CELA3B: variants seen among roughly 807,000 people sequenced by gnomAD.
CELA3B encodes chymotrypsin like elastase 3B, also known as chymotrypsin-like elastase family member 3B.
In CELA3B, 34 loss-of-function variants were observed where a neutral mutation model predicts 37.2. The observed-to-expected ratio is 0.91, with a 90% CI of 0.70 to 1.22. The LOEUF (loss-of-function observed/expected upper bound fraction) is 1.22, where lower values mean the gene tolerates loss of function less well. CELA3B is among the 50% of genes most tolerant of loss of function. The pLI, the probability that CELA3B is intolerant of heterozygous loss-of-function variation, is 0.00. For missense variants in CELA3B, 340 were observed against 363.1 expected, an observed-to-expected ratio of 0.94 and a Z score of 0.52; for synonymous variants, 127 against 143.5, an observed-to-expected ratio of 0.89 and a Z score of 0.82.
At chr1:21,993,461 CAAA>C (rs58752734), downstream of CELA3B, among the ~76,000 whole-genome samples, 3 of 81,648 alleles carry the variant, frequency 3.7e-5, no homozygotes, top group Admixed American at 1.0e-4. Flanking sequence ...ACCTCCTCTC[CAAA>C]AAAAAAAAAA....
intron 6 of CELA3B, among the ~76,000 whole-genome samples, chr1:21,986,300 C>T (rs146511980): frequency 0.022 from 3,376 of 151,702 alleles, 60 homozygotes; most frequent in Non-Finnish European, 0.033. Flanking sequence ...ACCTGGGAGC[C>T]GGGAGACGGA....
intron 5 of CELA3B, 57 bp from the exon 6 acceptor site, chr1:21,984,132 T>C: frequency 1.3e-6 from 2 of 1,568,868 alleles, no homozygotes; most frequent in African/African-American, 2.7e-5. Flanking sequence ...CCCCTTCCTC[T>C]GGGGCTCCTA....
rs1644799010 is a variant in CELA3B at position 21,980,750 on chromosome 1, A to G, written c.130-74A>G. 7.6e-6 allele frequency: 8 copies of G among 1,057,328 alleles called. No homozygotes were observed. In the South Asian group the frequency reaches 9.6e-5, roughly 13 times the overall value. The allele number at this position is 1,057,328 out of a possible 1,614,324, so 65.5% of individuals were successfully genotyped here. A position where few individuals can be genotyped will look rare whatever the true frequency, so the allele number is the denominator to read the frequency against. On this transcript the variant is annotated intron_variant, in intron 2 of 7. Transcript: ENST00000337107. ...GCCCTCTAGAGTTGCACAGTGCACA[A>G]CCTATACAGCCATTGGTGGCAACTC...
At chr1:21,983,137 G>A (rs1644814895) in intron 4 of CELA3B, among the ~76,000 whole-genome samples, 1 of 152,090 alleles carries the variant, frequency 6.6e-6, no homozygotes, top group African/African-American at 2.4e-5. Context: ...ATCAGCTAAG[G>A]TCAGGAGTTC....
At chr1:21,982,439 TAAA>T (rs111976816) in intron 4 of CELA3B, among the ~76,000 whole-genome samples, 1 of 151,466 alleles carries the variant, frequency 6.6e-6, no homozygotes, top group African/African-American at 2.4e-5. Flanking sequence ...TACTAAAAAT[TAAA>T]AAAAATTAGC....
chr1:21,991,987 G>A (rs1446476955), downstream of CELA3B, among the ~76,000 whole-genome samples: 1 of 151,034 alleles, frequency 6.6e-6, no homozygotes, highest in African/African-American at 2.5e-5. Context: ...AGGTGTGGTG[G>A]TGGGTGCCTG....
At chr1:21,992,714 G>A (rs535884770), downstream of CELA3B, among the ~76,000 whole-genome samples, 2 of 151,354 alleles carry the variant, frequency 1.3e-5, no homozygotes, top group East Asian at 1.9e-4. Flanking sequence ...GGTGGCTCAT[G>A]CCTATAATCC....
chr1:21,988,297 A>T (rs867957331), intron 7 of CELA3B, among the ~76,000 whole-genome samples: 1,543 of 150,812 alleles, frequency 0.01, no homozygotes, highest in African/African-American at 0.036. Context: ...ATGTTAAAAA[A>T]ATATATATAT....
At chr1:21,989,947 T>A (rs527274338), downstream of CELA3B, among the ~76,000 whole-genome samples, 10 of 150,748 alleles carry the variant, frequency 6.6e-5, 1 homozygote, top group African/African-American at 2.0e-4. Context: ...GAAAGAAGTG[T>A]AATTGACTCA....
chr1:21,988,450 G>C (rs1644851840), intron 7 of CELA3B, among the ~76,000 whole-genome samples: 3 of 151,656 alleles, frequency 2.0e-5, no homozygotes. Context: ...AATTGGCTGG[G>C]CGTGGTGCTG....
chr1:21,982,054 A>C (rs10917095), intron 4 of CELA3B, among the ~76,000 whole-genome samples: 143,959 of 152,180 alleles, frequency 0.95, 68,439 homozygotes, highest in Non-Finnish European at 0.99. Context: ...CTGAGTGGCT[A>C]AGACTTTTTT....
downstream of CELA3B, among the ~76,000 whole-genome samples, chr1:21,991,546 G>C (rs1644868920): frequency 2.0e-5 from 3 of 151,056 alleles, no homozygotes; most frequent in South Asian, 2.1e-4. Flanking sequence ...ATGTTGCCCA[G>C]GCTGGTCTCG....
downstream of CELA3B, among the ~76,000 whole-genome samples, chr1:21,989,919 A>G (rs560794794): frequency 2.7e-5 from 4 of 150,622 alleles, no homozygotes; most frequent in South Asian, 8.4e-4. Flanking sequence ...ACTGCCCGAG[A>G]CTGGGTAGTT....
At chr1:21,997,386 C>G (rs1297211157) in intron 4 of CELA3B, among the ~76,000 whole-genome samples, 1 of 104,330 alleles carries the variant, frequency 9.6e-6, no homozygotes. Flanking sequence ...GAGCAAGACT[C>G]GTCTCAAAAA....
intron 2 of CELA3B, among the ~76,000 whole-genome samples, chr1:21,979,175 C>T (rs56395006): frequency 1.3e-5 from 2 of 151,596 alleles, no homozygotes; most frequent in African/African-American, 2.4e-5. Flanking sequence ...CGGGTTCAAG[C>T]GATTCTCCTA....
chr1:21,988,075 A>T (rs1644849812), intron 7 of CELA3B, among the ~76,000 whole-genome samples: 1 of 149,704 alleles, frequency 6.7e-6, no homozygotes, highest in Non-Finnish European at 1.5e-5. Flanking sequence ...AGCCGGGCGT[A>T]TTGGTGCATG....
intron 7 of CELA3B, 124 bp from the exon 8 acceptor site, chr1:21,989,138 C>G (rs1169426299): frequency 1.9e-6 from 3 of 1,578,002 alleles, no homozygotes; most frequent in Admixed American, 1.8e-5. Context: ...GAAACTGAGG[C>G]TCAGAGAGGT....
chr1:21,993,416 C>T (rs1388188379), downstream of CELA3B, among the ~76,000 whole-genome samples: 107 of 142,176 alleles, frequency 7.5e-4, no homozygotes, highest in African/African-American at 1.9e-3. Context: ...GAGCTGAGAT[C>T]GCACCACTGC....
At chr1:21,997,728 A>G (rs1407140992) in intron 4 of CELA3B, among the ~76,000 whole-genome samples, 5 of 151,340 alleles carry the variant, frequency 3.3e-5, no homozygotes, top group Admixed American at 2.0e-4. Flanking sequence ...TCATACAGGC[A>G]GGAAACAAAT....
Sources: allele counts gnomAD v4.1 joint callset (sites outside exome capture counted in the v4.1 genomes callset), GRCh38; gene constraint gnomAD v4.1.1; transcripts MANE v1.5; gene names NCBI Gene and HGNC (gene_info 2026-07-23, HGNC 2026-07-21).